Variants in BIRC6 observed in about 807,000 individuals in gnomAD.
BIRC6 encodes the protein dual E2 ubiquitin-conjugating enzyme/E3 ubiquitin-protein ligase BIRC6.
BIRC6 carries 98 observed loss-of-function variants against 503.3 expected under a neutral mutation model. That is an observed-to-expected ratio of 0.19 (90% CI 0.17 to 0.23). The LOEUF is 0.23. Among genes scored for constraint, BIRC6 ranks in the 10% least tolerant of loss-of-function variants. The pLI, the probability that BIRC6 is intolerant of heterozygous loss-of-function variation, is 1.00. For synonymous variants in BIRC6, 2,240 were observed against 2,078.7 expected, an observed-to-expected ratio of 1.08 and a Z score of -2.11; for missense variants, 5,360 against 5,806.0, an observed-to-expected ratio of 0.92 and a Z score of 2.50.
At chr2:32,558,303 G>A (rs1184866970) in intron 65 of BIRC6, among the ~76,000 whole-genome samples, 2 of 146,870 alleles carry the variant, frequency 1.4e-5, no homozygotes, top group African/African-American at 4.8e-5. Context: ...TATTTAATGT[G>A]AACTGCAATT....
intron 71 of BIRC6, among the ~76,000 whole-genome samples, chr2:32,605,337 A>T (rs2062373433): frequency 6.6e-6 from 1 of 152,220 alleles, no homozygotes; most frequent in South Asian, 2.1e-4. Context: ...TTAAATTGTT[A>T]TAACTGACTG....
In BIRC6 at chr2:32,499,531, C is replaced by G; in HGVS notation, c.8469-16C>G. The G allele has an allele frequency of 6.4e-7, 1 of 1,553,046 alleles. No individual in the cohort carries two copies. The highest frequency in any genetic ancestry group is 8.7e-7 in the Non-Finnish European group (1 of 1,151,472). ...TCTCTCTCTCTTTTTCTGTCTCTCT[C>G]TCTCTCTCTCTGCAGGGGTGCTTTC... On this transcript the variant is annotated splice_polypyrimidine_tract_variant and intron_variant, in intron 45 of 73. Transcript: ENST00000421745.
intron 1 of BIRC6, among the ~76,000 whole-genome samples, chr2:32,377,375 A>C (rs977567737): frequency 2.0e-5 from 3 of 152,028 alleles, no homozygotes; most frequent in African/African-American, 7.2e-5. Flanking sequence ...TTGGTTGTCA[A>C]ATTTTAGTAA....
intron 65 of BIRC6, among the ~76,000 whole-genome samples, chr2:32,554,905 A>T (rs1193355619): frequency 6.6e-6 from 1 of 152,136 alleles, no homozygotes; most frequent in Non-Finnish European, 1.5e-5. Flanking sequence ...CTTAGTAGTT[A>T]CATCAAAGTA....
chr2:32,539,390 A>T (rs745499434), intron 61 of BIRC6, among the ~76,000 whole-genome samples: 4 of 152,230 alleles, frequency 2.6e-5, no homozygotes, highest in Non-Finnish European at 4.4e-5. Flanking sequence ...CAACTACAGG[A>T]TGTACTTCTT....
intron 45 of BIRC6, among the ~76,000 whole-genome samples, chr2:32,493,992 G>C (rs2052091122): frequency 6.6e-6 from 1 of 152,130 alleles, no homozygotes; most frequent in Admixed American, 6.5e-5. Context: ...AAAGCTACCA[G>C]TGATTTTGTA....
chr2:32,385,247 A>T (rs1453103095), intron 3 of BIRC6, among the ~76,000 whole-genome samples: 1 of 152,208 alleles, frequency 6.6e-6, no homozygotes, highest in Non-Finnish European at 1.5e-5. Flanking sequence ...ATTTCATCAT[A>T]AGGAGTTCCC....
At chr2:32,393,750 G>T (rs2149595928) in intron 5 of BIRC6, among the ~76,000 whole-genome samples, 1 of 152,170 alleles carries the variant, frequency 6.6e-6, no homozygotes, top group South Asian at 2.1e-4. Context: ...CAAACTTCTG[G>T]GCTCAGGCAG....
chr2:32,511,476 A>ATTTTTTTTTTTTTTTT (rs1166383796), intron 53 of BIRC6, among the ~76,000 whole-genome samples: 2 of 80,154 alleles, frequency 2.5e-5, no homozygotes, highest in African/African-American at 4.8e-5. Context: ...TAACTGACTA[A>ATTTTTTTTTTTTTTTT]TTTTTTTTTT....
intron 66 of BIRC6, among the ~76,000 whole-genome samples, chr2:32,587,414 C>T (rs1310945894): frequency 1.3e-5 from 2 of 151,952 alleles, no homozygotes; most frequent in African/African-American, 4.8e-5. Context: ...TAAATGATGG[C>T]AATGAAGTAA....
chr2:32,414,903 C>G lies in BIRC6; in HGVS notation c.1612C>G (p.Leu538Val), dbSNP rs1254628787. 1 of 1,613,906 alleles carries G rather than the reference C, an allele frequency of 6.2e-7. No individual in the cohort carries two copies. ...LEDTVKDLEE[L>V]GANPCLTNSK... is the part of the protein sequence containing the mutation. ...AGATACTGTTAAGGATCTTGAAGAA[C>G]TTGGGGCAAATCCTTGTTTAACAAA... Residue 538 changes from leucine to valine, a missense_variant, in exon 10 of 74, where the codon CTT (leucine) becomes GTT (valine). Leu to Val is a conservative substitution (Grantham distance 32). Around this residue, in one of 16 missense-constraint regions of BIRC6, gnomAD observed 700 missense variants for 739.3 expected, o/e 0.95. Coordinates refer to ENST00000421745, the MANE Select transcript of BIRC6 (RefSeq NM_016252.4).
chr2:32,402,629 T>C (rs2040727160), intron 8 of BIRC6, among the ~76,000 whole-genome samples: 1 of 152,250 alleles, frequency 6.6e-6, no homozygotes, highest in African/African-American at 2.4e-5. Context: ...TAAAGCCTTG[T>C]GGTTGTTCTA....
At chr2:32,395,359 A>G (rs1374855483) in intron 5 of BIRC6, among the ~76,000 whole-genome samples, 152 bp from the exon 6 acceptor site, 1 of 152,202 alleles carries the variant, frequency 6.6e-6, no homozygotes, top group African/African-American at 2.4e-5. Flanking sequence ...TGGAGGTTTC[A>G]GTGTATTGTT....
intron 9 of BIRC6, among the ~76,000 whole-genome samples, chr2:32,410,330 C>G (rs62136281): frequency 0.14 from 21,913 of 152,102 alleles, 1,746 homozygotes; most frequent in Admixed American, 0.21. Context: ...ACAAAACCAC[C>G]TCAGTCAGCC....
At chr2:32,463,524 G>A (rs577843757) in intron 24 of BIRC6, 143 bp downstream of exon 24, 2 of 729,740 alleles carry the variant, frequency 2.7e-6, no homozygotes, top group South Asian at 2.5e-5. Context: ...TTGAGGTAAA[G>A]TCTTTGTGAT....
At chr2:32,603,531 G>A (rs1035487340) in intron 71 of BIRC6, among the ~76,000 whole-genome samples, 1 of 152,004 alleles carries the variant, frequency 6.6e-6, no homozygotes, top group Non-Finnish European at 1.5e-5. Context: ...CTTGGCCAAC[G>A]TGGTAAGACC....
At chr2:32,423,930 C>G (rs1173859833) in intron 10 of BIRC6, among the ~76,000 whole-genome samples, 2 of 152,152 alleles carry the variant, frequency 1.3e-5, no homozygotes, top group Admixed American at 1.3e-4. Context: ...TTGTCTGTCA[C>G]TGGTATCGCA....
Position 32,395,066 on chromosome 2 carries a change from C to T in BIRC6, c.952-445C>T, listed in dbSNP as rs772152897. Among the ~76,000 whole-genome samples the T allele has an allele frequency of 3.7e-4, 56 of 152,140 alleles. 1 individual carries two copies. Among genetic ancestry groups the T allele is most frequent in the Non-Finnish European group, 6.6e-4 (45 of 68,016 alleles). On this transcript the variant is annotated intron_variant, in intron 5 of 73. Transcript: ENST00000421745. ...ACTCGGGAGGCTGAGGCAGGATAAT[C>T]GCTTGAACCCGGGGAGGTGGAGCTT...
intron 10 of BIRC6, among the ~76,000 whole-genome samples, chr2:32,426,756 G>C (rs1342610997): frequency 2.0e-5 from 3 of 152,140 alleles, no homozygotes; most frequent in African/African-American, 4.8e-5. Flanking sequence ...CAGTGAATTT[G>C]ATGTTGCTTT....
Sources: allele counts gnomAD v4.1 joint callset (sites outside exome capture counted in the v4.1 genomes callset), GRCh38; gene constraint gnomAD v4.1.1; regional missense constraint gnomAD v4.1.1; transcripts MANE v1.5; gene names NCBI Gene and HGNC (gene_info 2026-07-23, HGNC 2026-07-21).